The following PAG1 variants were observed in gnomAD, a reference collection of about 807,000 sequenced individuals.
The protein encoded by PAG1 is phosphoprotein membrane anchor with glycosphingolipid microdomains 1, also known as phosphoprotein associated with glycosphingolipid-enriched microdomains 1.
PAG1 carries 23 observed loss-of-function variants against 31.7 expected under a neutral mutation model. The observed-to-expected ratio is 0.73, with a 90% CI of 0.52 to 1.03. The LOEUF (loss-of-function observed/expected upper bound fraction) is 1.03. Among genes scored for constraint, PAG1 ranks in the 50% least tolerant of loss-of-function variants. PAG1 has a pLI of 0.00. For synonymous variants in PAG1, 214 were observed against 210.3 expected (o/e 1.02, Z -0.15); for missense variants, 473 against 540.7 (o/e 0.87, Z 1.24).
At chr8:81,004,809 T>TTTCAAGCTGAGA (rs1807845928) in intron 3 of PAG1, among the ~76,000 whole-genome samples, 1 of 152,140 alleles carries the variant, frequency 6.6e-6, no homozygotes, top group Non-Finnish European at 1.5e-5. Context: ...CTGAGAACTG[T>TTTCAAGCTGAGA]CCCCAATGTG....
intron 1 of PAG1, among the ~76,000 whole-genome samples, chr8:81,104,032 C>T (rs1809652244): frequency 6.6e-6 from 1 of 152,172 alleles, no homozygotes; most frequent in South Asian, 2.1e-4. Flanking sequence ...ATTCCATGCG[C>T]TTCTTGAGAT....
intron 2 of PAG1, among the ~76,000 whole-genome samples, chr8:81,069,094 CA>C (rs1214411508): frequency 6.6e-6 from 1 of 152,166 alleles, no homozygotes; most frequent in East Asian, 1.9e-4. Context: ...AGTTAACTAA[CA>C]AAAGGCAGGC....
intron 3 of PAG1, among the ~76,000 whole-genome samples, chr8:80,999,825 T>C (rs1807752155): frequency 6.6e-6 from 1 of 152,178 alleles, no homozygotes; most frequent in East Asian, 1.9e-4. Context: ...GAATCACTTC[T>C]AAGGTTGGTT....
intron 2 of PAG1, among the ~76,000 whole-genome samples, chr8:81,053,912 G>A (rs1808773004): frequency 1.3e-5 from 2 of 151,976 alleles, no homozygotes; most frequent in South Asian, 4.1e-4. Context: ...GGGCCAGAGA[G>A]TAAACATTTT....
At chr8:81,097,710 TAA>T (rs35355222) in intron 1 of PAG1, among the ~76,000 whole-genome samples, 201 of 145,264 alleles carry the variant, frequency 1.4e-3, no homozygotes, top group Middle Eastern at 7.1e-3. Flanking sequence ...TTAAGAACTT[TAA>T]AAAAAAAAAA....
intron 2 of PAG1, among the ~76,000 whole-genome samples, chr8:81,035,951 A>G (rs1328502140): frequency 6.6e-6 from 1 of 151,918 alleles, no homozygotes; most frequent in Non-Finnish European, 1.5e-5. Context: ...ACACATGTGT[A>G]TATACATTTA....
intron 7 of PAG1, among the ~76,000 whole-genome samples, chr8:80,982,649 T>C (rs78451620): frequency 6.6e-6 from 1 of 152,152 alleles, no homozygotes; most frequent in Non-Finnish European, 1.5e-5. Flanking sequence ...TACTTGGAAG[T>C]CCAATCGGTA....
At chr8:80,999,368 G>A (rs1807744114) in intron 3 of PAG1, among the ~76,000 whole-genome samples, 1 of 152,206 alleles carries the variant, frequency 6.6e-6, no homozygotes, top group East Asian at 1.9e-4. Context: ...AAAGCACAGA[G>A]GGTGGTGGAA....
At chr8:80,991,666 A>G (rs1221462736) in intron 4 of PAG1, 136 bp from the exon 5 acceptor site, 1 of 707,806 alleles carries the variant, frequency 1.4e-6, no homozygotes. Context: ...GTCAACAAAG[A>G]CAAAATCAGA....
At chr8:80,979,955 C>T (rs1421669912) in intron 8 of PAG1, among the ~76,000 whole-genome samples, 2 of 152,156 alleles carry the variant, frequency 1.3e-5, no homozygotes, top group African/African-American at 4.8e-5. Flanking sequence ...TAGCTCCTGC[C>T]TGGAACTGTA....
At chr8:81,037,279 T>A (rs573475163) in intron 2 of PAG1, 2 of 152,208 alleles carry the variant, frequency 1.3e-5, no homozygotes, top group Admixed American at 6.5e-5. Flanking sequence ...GTAAGACAGA[T>A]ACAGTTATAA....
At chr8:81,075,354 T>C (rs1005315328) in intron 1 of PAG1, among the ~76,000 whole-genome samples, 1 of 152,240 alleles carries the variant, frequency 6.6e-6, no homozygotes, top group Non-Finnish European at 1.5e-5. Context: ...AGGTTGAGTC[T>C]AGTTAATGGA....
chr8:81,035,885 A>G (rs927069774), intron 2 of PAG1, among the ~76,000 whole-genome samples: 2 of 151,360 alleles, frequency 1.3e-5, no homozygotes, highest in African/African-American at 4.8e-5. Context: ...ACACATGTGT[A>G]TATATGTATT....
At chr8:81,079,175 C>A (rs776377696) in intron 1 of PAG1, among the ~76,000 whole-genome samples, 5 of 151,988 alleles carry the variant, frequency 3.3e-5, no homozygotes, top group Non-Finnish European at 7.4e-5. Flanking sequence ...GATTTCCCCC[C>A]CTTACTTCCT....
At chr8:81,086,112 G>C (rs1348360420) in intron 1 of PAG1, among the ~76,000 whole-genome samples, 2 of 148,956 alleles carry the variant, frequency 1.3e-5, no homozygotes, top group African/African-American at 2.5e-5. Flanking sequence ...CTCCCGAGTA[G>C]CTGGGACTAC....
At chr8:81,093,589 T>G (rs73282024) in intron 1 of PAG1, among the ~76,000 whole-genome samples, 19,644 of 151,774 alleles carry the variant, frequency 0.13, 3,704 homozygotes, top group African/African-American at 0.41. Context: ...ACACGTTGCC[T>G]TTACAACATG....
chr8:80,996,400 C>T (rs1807673862), intron 3 of PAG1, among the ~76,000 whole-genome samples: 1 of 152,226 alleles, frequency 6.6e-6, no homozygotes, highest in Non-Finnish European at 1.5e-5. Context: ...AAGATCTGTG[C>T]ACTGCTACCC....
intron 3 of PAG1, among the ~76,000 whole-genome samples, chr8:81,020,248 GA>G (rs1808139846): frequency 6.6e-6 from 1 of 152,182 alleles, no homozygotes; most frequent in South Asian, 2.1e-4. Flanking sequence ...ATGCTGAAAT[GA>G]GTTAAGACTT....
intron 1 of PAG1, among the ~76,000 whole-genome samples, chr8:81,108,832 G>A (rs113398988): frequency 9.1e-4 from 138 of 152,228 alleles, no homozygotes; most frequent in African/African-American, 2.7e-3. Context: ...CTTATTTAAT[G>A]GTAAGTATAA....
Sources: allele counts gnomAD v4.1 joint callset (sites outside exome capture counted in the v4.1 genomes callset), GRCh38; gene constraint gnomAD v4.1.1; transcripts MANE v1.5; gene names NCBI Gene and HGNC (gene_info 2026-07-23, HGNC 2026-07-21).